ANXA6: variants seen among roughly 807,000 people sequenced by gnomAD.
The protein encoded by ANXA6 is annexin A6, also known as 67 kDa calelectrin.
A neutral mutation model predicts 95.4 loss-of-function variants in ANXA6; 71 were observed. That is an observed-to-expected ratio of 0.74 (90% CI 0.61 to 0.91). The LOEUF (loss-of-function observed/expected upper bound fraction) is 0.91, where lower values mean the gene tolerates loss of function less well. Among genes scored for constraint, ANXA6 ranks in the 40% least tolerant of loss-of-function variants. The pLI is 0.00. For synonymous variants in ANXA6, 289 were observed against 315.9 expected (o/e 0.91, Z 0.90); for missense variants, 830 against 876.4 (o/e 0.95, Z 0.67).
chr5:151,129,669 T>A, intron 11 of ANXA6, 140 bp from the exon 12 acceptor site: 1 of 946,938 alleles, frequency 1.1e-6, no homozygotes, highest in Non-Finnish European at 1.6e-6. Context: ...CCATTCCCAT[T>A]GAAGCTCTCT....
intron 16 of ANXA6, 22 bp downstream of exon 16, chr5:151,122,895 G>C (rs1249749865): frequency 1.2e-6 from 2 of 1,608,448 alleles, no homozygotes; most frequent in Non-Finnish European, 1.7e-6. Flanking sequence ...GTTGCACAGA[G>C]AGCCCAGGAG....
intron 6 of ANXA6, 46 bp downstream of exon 6, chr5:151,137,185 C>T (rs1431189397): frequency 6.6e-7 from 1 of 1,519,248 alleles, no homozygotes; most frequent in African/African-American, 1.4e-5. Context: ...CAATCATCCT[C>T]ATTTTGTATC....
At chr5:151,135,585 G>T (rs1765634865) in intron 7 of ANXA6, among the ~76,000 whole-genome samples, 1 of 152,186 alleles carries the variant, frequency 6.6e-6, no homozygotes, top group African/African-American at 2.4e-5. Context: ...TCGTGCCTGT[G>T]GTCACAGAGA....
intron 24 of ANXA6, 137 bp from the exon 25 acceptor site, chr5:151,103,829 G>T: frequency 8.8e-7 from 1 of 1,135,034 alleles, no homozygotes; most frequent in Non-Finnish European, 1.2e-6. Context: ...TCTGTCTTCT[G>T]CAAACAGTCC....
chr5:151,109,489 C>A (rs899375787), intron 22 of ANXA6, among the ~76,000 whole-genome samples: 1 of 152,154 alleles, frequency 6.6e-6, no homozygotes, highest in Non-Finnish European at 1.5e-5. Flanking sequence ...TCAGAGTTGG[C>A]CTTTGAGGTG....
chr5:151,115,798 A>G (rs1157257048), intron 20 of ANXA6, among the ~76,000 whole-genome samples: 1 of 152,230 alleles, frequency 6.6e-6, no homozygotes, highest in Non-Finnish European at 1.5e-5. Flanking sequence ...AGCTTTTGAC[A>G]ACCATATTCC....
chr5:151,107,893 T>C (rs781200278), intron 23 of ANXA6, among the ~76,000 whole-genome samples: 5 of 151,982 alleles, frequency 3.3e-5, no homozygotes, highest in African/African-American at 4.8e-5. Context: ...GTCTTGTATG[T>C]GTGTGCATGT....
chr5:151,124,015 C>T (rs1345940692), intron 15 of ANXA6, among the ~76,000 whole-genome samples: 1 of 152,198 alleles, frequency 6.6e-6, no homozygotes, highest in East Asian at 1.9e-4. Flanking sequence ...ATTTTGTGAC[C>T]TGGTACTTTC....
At chr5:151,117,645 C>CT in intron 19 of ANXA6, 113 bp downstream of exon 19, 1 of 885,980 alleles carries the variant, frequency 1.1e-6, no homozygotes, top group Non-Finnish European at 1.8e-6. Context: ...GAGACACCCC[C>CT]TCTCCATCAG....
chr5:151,107,283 AAAATCCACCCTAT>A (rs561552456), intron 23 of ANXA6, among the ~76,000 whole-genome samples: 6 of 152,374 alleles, frequency 3.9e-5, no homozygotes, highest in Admixed American at 3.3e-4. Flanking sequence ...TCAGCCTCAC[AAAATCCACCCTAT>A]GGGCTGGGCA....
chr5:151,118,480 T>A (rs960232837), intron 18 of ANXA6, among the ~76,000 whole-genome samples: 1 of 152,028 alleles, frequency 6.6e-6, no homozygotes, highest in Non-Finnish European at 1.5e-5. Flanking sequence ...GTCTCCCAGG[T>A]TGGAGTGCAG....
Position 151,117,189 on chromosome 5 carries a change from G to A in ANXA6, c.1519-9C>T. ...CCCTCCTCACGATGCCCCTGCAGCA[G>A]GAGCAGCAAGAAAGTTCAGTCCCCA... On this transcript the variant is annotated splice_polypyrimidine_tract_variant and intron_variant, in intron 19 of 25. Coordinates refer to ENST00000354546, the MANE Select transcript of ANXA6 (RefSeq NM_001155.5). 6.3e-7 allele frequency: 1 copy of A among 1,588,122 alleles called. No individual in the cohort carries two copies. The highest frequency in any genetic ancestry group is 8.6e-7 in the Non-Finnish European group (1 of 1,164,762).
chr5:151,110,558 C>T lies in ANXA6; in HGVS notation c.1590+69G>A, dbSNP rs1178756441. The T allele has an allele frequency of 8.0e-5, 125 of 1,556,336 alleles. 1 individual carries two copies. The highest frequency in any genetic ancestry group is 7.9e-4 in the East Asian group (35 of 44,154). On this transcript the variant is annotated intron_variant, in intron 21 of 25. Transcript: ENST00000354546. ...CCCAAATCACTGCTCGATACTGCCCCGCTCGGCCCAGTAAAGGCGGACTTT... is the reference window on the plus strand; with the variant it reads ...CCCAAATCACTGCTCGATACTGCCCTGCTCGGCCCAGTAAAGGCGGACTTT...
intron 19 of ANXA6, 72 bp downstream of exon 19, chr5:151,117,686 A>G: frequency 3.7e-6 from 5 of 1,347,086 alleles, no homozygotes; most frequent in Non-Finnish European, 5.2e-6. Flanking sequence ...TGTGCCCTCC[A>G]CTCAGTAAAC....
Position 151,100,855 on chromosome 5 carries a change from A to G in ANXA6, c.*593T>C. On this transcript the variant is annotated 3_prime_UTR_variant, in exon 26 of 26. Coordinates refer to ENST00000354546, the MANE Select transcript of ANXA6 (RefSeq NM_001155.5). ...ACTGTCTCATTGTAGATAAGAAAAT[A>G]GAGACTCAGGGAGGGAAAGGGGCTG... The G allele has an allele frequency of 4.4e-6, 2 of 456,238 alleles. No individual in the cohort carries two copies. Among genetic ancestry groups the G allele is most frequent in the Non-Finnish European group, 4.4e-6 (1 of 226,944 alleles). The allele number at this position is 456,238 out of a possible 1,614,324, so 28.3% of individuals were successfully genotyped here. A position where few individuals can be genotyped will look rare whatever the true frequency, so the allele number is the denominator to read the frequency against.
chr5:151,152,262 A>T (rs970021795), intron 1 of ANXA6, among the ~76,000 whole-genome samples: 1 of 152,246 alleles, frequency 6.6e-6, no homozygotes, highest in Non-Finnish European at 1.5e-5. Context: ...CGGGGGGAAA[A>T]CACTTAGCAC....
At chr5:151,106,773 G>A (rs535699761) in intron 23 of ANXA6, among the ~76,000 whole-genome samples, 2 of 152,154 alleles carry the variant, frequency 1.3e-5, no homozygotes, top group East Asian at 1.9e-4. Context: ...TAAGAAGCAC[G>A]CTGGGCAGAA....
At chr5:151,109,093 G>C (rs1016364678) in intron 22 of ANXA6, among the ~76,000 whole-genome samples, 4 of 152,022 alleles carry the variant, frequency 2.6e-5, no homozygotes, top group African/African-American at 9.7e-5. Flanking sequence ...CTCAGGCGCA[G>C]AGATTCGGTG....
At position 151,147,902 on chromosome 5, in the gene ANXA6, G is replaced by A. The variant is rs1473948679; in HGVS notation, c.-1C>T. On this transcript the variant is annotated 5_prime_UTR_variant, in exon 2 of 26. Transcript: ENST00000354546. ...CCCTTACCTGTGCTGGTTTGGCCAT[G>A]GTCTCCGGTTCGCAGCAGAATCCAC... The A allele has an allele frequency of 1.9e-6, 3 of 1,605,270 alleles. No homozygotes were observed. Among genetic ancestry groups the A allele is most frequent in the Non-Finnish European group, 2.6e-6 (3 of 1,175,850 alleles).
Sources: allele counts gnomAD v4.1 joint callset (sites outside exome capture counted in the v4.1 genomes callset), GRCh38; gene constraint gnomAD v4.1.1; transcripts MANE v1.5; gene names NCBI Gene and HGNC (gene_info 2026-07-23, HGNC 2026-07-21).